C10orf53: variants seen among roughly 807,000 people sequenced by gnomAD.
The protein encoded by C10orf53 is UPF0728 protein C10orf53.
Under a neutral mutation model 9.4 loss-of-function variants are expected in C10orf53, and 8 were observed. The observed-to-expected ratio is 0.85, with a 90% CI of 0.50 to 1.53. The LOEUF (loss-of-function observed/expected upper bound fraction) is 1.53, where lower values mean the gene tolerates loss of function less well. Among genes scored for constraint, C10orf53 ranks in the 40% most tolerant of loss-of-function variants. The pLI, the probability that C10orf53 is intolerant of heterozygous loss-of-function variation, is 0.00. For synonymous variants in C10orf53, 48 were observed against 46.0 expected, an observed-to-expected ratio of 1.04 and a Z score of -0.18; for missense variants, 117 against 117.8, an observed-to-expected ratio of 0.99 and a Z score of 0.03.
chr10:49,680,733 G>T (rs1196995218), intron 1 of C10orf53, among the ~76,000 whole-genome samples: 1 of 152,188 alleles, frequency 6.6e-6, no homozygotes, highest in Non-Finnish European at 1.5e-5. Context: ...GGACCATAAA[G>T]GAGACCATGG....
intron 1 of C10orf53, 54 bp from the exon 2 acceptor site, chr10:49,693,720 G>A: frequency 6.4e-7 from 1 of 1,573,454 alleles, no homozygotes; most frequent in Non-Finnish European, 8.7e-7. Flanking sequence ...CTACCAGTCA[G>A]GTTAGTTTGA....
At chr10:49,706,989 G>A (rs1422900193) in intron 2 of C10orf53, among the ~76,000 whole-genome samples, 4 of 152,182 alleles carry the variant, frequency 2.6e-5, no homozygotes, top group African/African-American at 9.7e-5. Flanking sequence ...AGAACAGGAG[G>A]AAAACAATCC....
Position 49,686,537 on chromosome 10 carries a change from G to A in C10orf53, c.97+6743G>A, listed in dbSNP as rs12245953. Among the ~76,000 whole-genome samples, 221 of 152,250 alleles carry A rather than the reference G, an allele frequency of 1.5e-3. 1 individual carries two copies. Among genetic ancestry groups the A allele is most frequent in the African/African-American group, 4.9e-3 (204 of 41,530 alleles). On this transcript the variant is annotated intron_variant, in intron 1 of 2. Transcript: ENST00000374111. ...CAGACGTGTGAGTAGGAGAAATATC[G>A]CTGAATTCTTTTCCCAGCAAGGAAT...
chr10:49,696,693 G>A lies in C10orf53; in HGVS notation c.*2091G>A, dbSNP rs1455119896. 1.3e-5 allele frequency among the ~76,000 whole-genome samples: 2 copies of A among 152,144 alleles called. No homozygotes were observed. Among genetic ancestry groups the A allele is most frequent in the African/African-American group, 4.8e-5 (2 of 41,420 alleles). On this transcript the variant is annotated 3_prime_UTR_variant, in exon 3 of 3. Transcript: ENST00000374111. ...GCCCTATGTTTCAGTTTGGATCAGA[G>A]GCAAATGATGTCTGAATCAGCATTG...
rs1039224345 is a variant in C10orf53 at position 49,694,684 on chromosome 10, C to A, written c.*82C>A. The A allele has an allele frequency of 1.2e-5, 20 of 1,605,570 alleles. No individual in the cohort carries two copies. The African/African-American group carries it at 2.1e-4, about 17-fold the overall frequency. On this transcript the variant is annotated 3_prime_UTR_variant, in exon 3 of 3. Coordinates refer to ENST00000374111, the MANE Select transcript of C10orf53 (RefSeq NM_001042427.3). ...TATGATGCAGGCAGAAGTGGCTGTG[C>A]CACGGTGTGGACACTGGGCTCTGCT...
At chr10:49,681,314 T>C (rs527685403) in intron 1 of C10orf53, among the ~76,000 whole-genome samples, 12 of 152,274 alleles carry the variant, frequency 7.9e-5, no homozygotes, top group Middle Eastern at 3.4e-3. Flanking sequence ...GGAATGACCA[T>C]TGATGAACTC....
chr10:49,685,936 T>C (rs1278278553), intron 1 of C10orf53, among the ~76,000 whole-genome samples: 3 of 152,188 alleles, frequency 2.0e-5, no homozygotes, highest in African/African-American at 7.2e-5. Context: ...TTTCTCTATT[T>C]CCTTTTCTCC....
intron 2 of C10orf53, among the ~76,000 whole-genome samples, chr10:49,707,790 C>G (rs1840733237): frequency 6.6e-6 from 1 of 151,804 alleles, no homozygotes; most frequent in African/African-American, 2.4e-5. Context: ...TTCTTGGGAA[C>G]TGTCTTCAGA....
intron 2 of C10orf53, among the ~76,000 whole-genome samples, chr10:49,705,014 C>T (rs1840713083): frequency 6.6e-6 from 1 of 152,184 alleles, no homozygotes; most frequent in Admixed American, 6.5e-5. Flanking sequence ...TTGAAAGCTG[C>T]CCTGTATCAC....
At chr10:49,700,767 G>A (rs535562900), downstream of C10orf53, among the ~76,000 whole-genome samples, 3 of 152,290 alleles carry the variant, frequency 2.0e-5, no homozygotes, top group South Asian at 4.1e-4. Context: ...GGCCTTCAGA[G>A]TCTCACCCTG....
exon 3 of C10orf53, chr10:49,708,922 C>G: frequency 2.9e-6 from 1 of 347,628 alleles, no homozygotes; most frequent in South Asian, 4.6e-5. Flanking sequence ...GCCCTTTTCT[C>G]AACAATGCCA....
intron 1 of C10orf53, among the ~76,000 whole-genome samples, chr10:49,680,200 C>G (rs1003922717): frequency 1.3e-5 from 2 of 152,214 alleles, no homozygotes; most frequent in African/African-American, 4.8e-5. Context: ...GTGTTGGACA[C>G]CCTTCCAGGG....
downstream of C10orf53, among the ~76,000 whole-genome samples, chr10:49,697,827 T>C (rs1160008081): frequency 1.3e-5 from 2 of 152,206 alleles, no homozygotes; most frequent in East Asian, 1.9e-4. Context: ...ATTACAGGCA[T>C]GAGCCACACC....
downstream of C10orf53, among the ~76,000 whole-genome samples, chr10:49,698,751 A>C (rs1016996042): frequency 5.9e-5 from 9 of 152,192 alleles, no homozygotes; most frequent in Non-Finnish European, 1.2e-4. Flanking sequence ...ATCAGGCGCT[A>C]TAGTGGCAGC....
chr10:49,707,803 G>A (rs1413583165), intron 2 of C10orf53, among the ~76,000 whole-genome samples: 2 of 151,900 alleles, frequency 1.3e-5, no homozygotes, highest in Non-Finnish European at 2.9e-5. Flanking sequence ...TCTTCAGAGG[G>A]ATGTACATTT....
At chr10:49,699,126 C>G (rs556035879), downstream of C10orf53, among the ~76,000 whole-genome samples, 13 of 148,760 alleles carry the variant, frequency 8.7e-5, no homozygotes, top group Non-Finnish European at 1.2e-4. Context: ...TAAAATAGCC[C>G]AATAATATGT....
chr10:49,698,019 T>C (rs1293479470), downstream of C10orf53, among the ~76,000 whole-genome samples: 1 of 152,186 alleles, frequency 6.6e-6, no homozygotes, highest in Non-Finnish European at 1.5e-5. Context: ...GGCTGGAGGC[T>C]GTGGCTCACA....
intron 1 of C10orf53, 121 bp from the exon 2 acceptor site, chr10:49,693,653 T>G: frequency 7.9e-7 from 1 of 1,262,204 alleles, no homozygotes; most frequent in Non-Finnish European, 1.1e-6. Context: ...CCAGGGCAGT[T>G]GAGTGATACC....
chr10:49,685,525 A>G (rs1840520274), intron 1 of C10orf53, among the ~76,000 whole-genome samples: 1 of 151,986 alleles, frequency 6.6e-6, no homozygotes, highest in Non-Finnish European at 1.5e-5. Context: ...TGTATAATGT[A>G]TATATATTTG....
Sources: allele counts gnomAD v4.1 joint callset (sites outside exome capture counted in the v4.1 genomes callset), GRCh38; gene constraint gnomAD v4.1.1; transcripts MANE v1.5; gene names NCBI Gene and HGNC (gene_info 2026-07-23, HGNC 2026-07-21).